PCDHGB4: variants seen among roughly 807,000 people sequenced by gnomAD.
PCDHGB4 encodes protocadherin gamma-B4.
PCDHGB4 carries 38 observed loss-of-function variants against 60.5 expected under a neutral mutation model. The ratio of observed to expected loss-of-function variants is 0.63; its 90% confidence interval spans 0.48 to 0.82. The LOEUF (loss-of-function observed/expected upper bound fraction) is 0.82, where lower values mean the gene tolerates loss of function less well. PCDHGB4 is among the 40% of genes least tolerant of loss of function. The pLI, the probability that PCDHGB4 is intolerant of heterozygous loss-of-function variation, is 0.00. For missense variants in PCDHGB4, 1,109 were observed against 1,209.6 expected (o/e 0.92, Z 1.23); for synonymous variants, 456 against 509.7 (o/e 0.89, Z 1.42).
At chr5:141,473,853 C>T (rs2099329853) in intron 1 of PCDHGB4, among the ~76,000 whole-genome samples, 1 of 152,128 alleles carries the variant, frequency 6.6e-6, no homozygotes, top group Non-Finnish European at 1.5e-5. Flanking sequence ...GGAAGATGAA[C>T]CTCGCTATTG....
chr5:141,395,178 G>T (rs1201622292), intron 1 of PCDHGB4: 2 of 1,614,142 alleles, frequency 1.2e-6, no homozygotes, highest in Non-Finnish European at 1.7e-6. Context: ...TGAGAAAAAT[G>T]ATTCTTTGTT....
At position 141,477,677 on chromosome 5, in the gene PCDHGB4, TC is replaced by T; in HGVS notation, c.2398-17128del. On this transcript the variant is annotated intron_variant, in intron 1 of 3. Transcript: ENST00000519479. This position sits in a 1 kb window ranked among gnomAD's most constrained non-coding sequence, Gnocchi z 4.9. ...AAATCGTGACAATGGCATAGTGTCA[TC>T]CTTAGTGCCCCTAGACTATGAGGAT... 1 of 1,614,174 alleles carries T rather than the reference TC, an allele frequency of 6.2e-7. No homozygotes were observed. The highest frequency in any genetic ancestry group is 8.5e-7 in the Non-Finnish European group (1 of 1,180,038).
At chr5:141,402,019 C>A (rs1354499456) in intron 1 of PCDHGB4, among the ~76,000 whole-genome samples, 1 of 152,084 alleles carries the variant, frequency 6.6e-6, no homozygotes, top group Non-Finnish European at 1.5e-5. Flanking sequence ...GCATTTGAAT[C>A]ATTGAAACAC....
At chr5:141,492,495 G>A (rs750427038) in intron 1 of PCDHGB4, among the ~76,000 whole-genome samples, 65 of 152,186 alleles carry the variant, frequency 4.3e-4, no homozygotes, top group Non-Finnish European at 6.0e-4. Context: ...ACCAGGCGAG[G>A]ACTCCGGAGC....
chr5:141,486,844 C>T lies in PCDHGB4; in HGVS notation c.2398-7963C>T, dbSNP rs150549306. The T allele has an allele frequency of 1.1e-5, 17 of 1,614,220 alleles. No homozygotes were observed. The highest frequency in any genetic ancestry group is 1.4e-5 in the Non-Finnish European group (16 of 1,180,026). ...TAACAGTTCGTCTATTTGTGCTGGACCTCAATGACAATGCTCCAGCTGTGC... is the reference window on the plus strand; with the variant it reads ...TAACAGTTCGTCTATTTGTGCTGGATCTCAATGACAATGCTCCAGCTGTGC... On this transcript the variant is annotated intron_variant, in intron 1 of 3. Transcript: ENST00000519479. The surrounding 1 kb of genome is among the most constrained non-coding windows in gnomAD (Gnocchi z 5.0).
At chr5:141,418,369 C>G (rs763319499) in intron 1 of PCDHGB4, 62 of 1,613,842 alleles carry the variant, frequency 3.8e-5, no homozygotes, top group Non-Finnish European at 4.8e-5. Context: ...TGAGCAAATA[C>G]CAACTAAGTC....
At chr5:141,397,254 A>G (rs961705126) in intron 1 of PCDHGB4, among the ~76,000 whole-genome samples, 12 of 152,184 alleles carry the variant, frequency 7.9e-5, no homozygotes, top group Non-Finnish European at 1.3e-4. Flanking sequence ...AGGGTATATC[A>G]TTTCTTAGCT....
chr5:141,417,699 C>G, intron 1 of PCDHGB4: 1 of 1,164,548 alleles, frequency 8.6e-7, no homozygotes. Context: ...AACCAGCTCC[C>G]ACACAGAGGC....
In PCDHGB4 at chr5:141,442,072, C is replaced by G. The variant is rs1034351866; in HGVS notation, c.2397+51791C>G. On this transcript the variant is annotated intron_variant, in intron 1 of 3. Transcript: ENST00000519479. ...GTCGCGGTGCACTGCGGTGGACAGC[C>G]GCTCCTCTCGCTACCGCCACGTCAC... 17 of 175,092 alleles carry G rather than the reference C, an allele frequency of 9.7e-5. No homozygotes were observed. The South Asian group carries it at 1.5e-3, about 16-fold the overall frequency. 10.8% of individuals were successfully genotyped at this position (175,092 alleles called of 1,614,324 possible). A position where few individuals can be genotyped will look rare whatever the true frequency, so the allele number is the denominator to read the frequency against.
chr5:141,441,739 C>T, intron 1 of PCDHGB4: 1 of 365,272 alleles, frequency 2.7e-6, no homozygotes, highest in South Asian at 2.2e-5. Context: ...GACTAGCTCG[C>T]GCTCGGCGTC....
At chr5:141,507,810 G>C (rs550331241) in intron 3 of PCDHGB4, among the ~76,000 whole-genome samples, 5 of 152,172 alleles carry the variant, frequency 3.3e-5, no homozygotes, top group Non-Finnish European at 2.9e-5. Context: ...CCTGGGGAAC[G>C]GACCCTGGGG....
intron 1 of PCDHGB4, chr5:141,441,758 C>T: frequency 2.6e-6 from 1 of 382,050 alleles, no homozygotes. Context: ...TCAACGTGAG[C>T]CTGCGCGTGT....
At position 141,486,622 on chromosome 5, in the gene PCDHGB4, C is replaced by T. The variant is rs1320329216; in HGVS notation, c.2398-8185C>T. On this transcript the variant is annotated intron_variant, in intron 1 of 3. Coordinates refer to ENST00000519479, the MANE Select transcript of PCDHGB4 (RefSeq NM_003736.4). The surrounding 1 kb of genome is among the most constrained non-coding windows in gnomAD (Gnocchi z 5.0). ...GCTCCCTTGCAGCCTCTGACCCAGACTCTGGCTTGAATGCGCTTATCTCCT... is the reference window on the plus strand; with the variant it reads ...GCTCCCTTGCAGCCTCTGACCCAGATTCTGGCTTGAATGCGCTTATCTCCT... 6.2e-7 allele frequency: 1 copy of T among 1,613,574 alleles called. No individual in the cohort carries two copies. The highest frequency in any genetic ancestry group is 8.5e-7 in the Non-Finnish European group (1 of 1,180,042).
At chr5:141,392,160 T>C (rs1426961496) in intron 1 of PCDHGB4, 1 of 152,220 alleles carries the variant, frequency 6.6e-6, no homozygotes, top group Non-Finnish European at 1.5e-5. Context: ...TAAAACAATT[T>C]CTGAGTCAGT....
intron 1 of PCDHGB4, among the ~76,000 whole-genome samples, chr5:141,471,996 G>A (rs2099268647): frequency 6.6e-6 from 1 of 152,006 alleles, no homozygotes; most frequent in Admixed American, 6.6e-5. Context: ...AAAAATCCCT[G>A]CATCGTATAG....
At chr5:141,397,978 C>G in intron 1 of PCDHGB4, 1 of 1,261,722 alleles carries the variant, frequency 7.9e-7, no homozygotes, top group Non-Finnish European at 1.1e-6. Flanking sequence ...CAGCGCCGGC[C>G]TTTACACCGC....
At chr5:141,416,004 A>G (rs1225801773) in intron 1 of PCDHGB4, 2 of 254,264 alleles carry the variant, frequency 7.9e-6, no homozygotes, top group Non-Finnish European at 1.4e-5. Flanking sequence ...CAGGTCTGGT[A>G]AGAATAGGTA....
intron 1 of PCDHGB4, chr5:141,392,890 T>G (rs2092623202): frequency 3.1e-6 from 5 of 1,613,418 alleles, no homozygotes; most frequent in Admixed American, 1.7e-5. Context: ...CTGTGGGAAA[T>G]CGGGAGGGGA....
At chr5:141,451,113 C>T (rs2098707217) in intron 1 of PCDHGB4, among the ~76,000 whole-genome samples, 1 of 152,152 alleles carries the variant, frequency 6.6e-6, no homozygotes. Context: ...CAGGCGTGAG[C>T]CACCACACCC....
Sources: allele counts gnomAD v4.1 joint callset (sites outside exome capture counted in the v4.1 genomes callset), GRCh38; gene constraint gnomAD v4.1.1; non-coding constraint Gnocchi (gnomAD v3.1); transcripts MANE v1.5; gene names NCBI Gene and HGNC (gene_info 2026-07-23, HGNC 2026-07-21).